NUP214: variants seen among roughly 807,000 people sequenced by gnomAD.
NUP214 encodes the protein nuclear pore complex protein Nup214.
A neutral mutation model predicts 196.2 loss-of-function variants in NUP214; 79 were observed. The ratio of observed to expected loss-of-function variants is 0.40; its 90% CI spans 0.34 to 0.49. The LOEUF is 0.49. Among genes scored for constraint, NUP214 ranks in the 20% least tolerant of loss-of-function variants. The pLI is 0.58. For missense variants in NUP214, 2,468 were observed against 2,539.0 expected (o/e 0.97, Z 0.60); for synonymous variants, 1,020 against 990.5 (o/e 1.03, Z -0.56).
intron 21 of NUP214, among the ~76,000 whole-genome samples, chr9:131,168,942 A>G (rs941333732): frequency 1.3e-5 from 2 of 151,856 alleles, no homozygotes; most frequent in Non-Finnish European, 1.5e-5. Flanking sequence ...CACTGCCTTA[A>G]TTAGTGCTCA....
intron 27 of NUP214, 27 bp from the exon 28 acceptor site, chr9:131,195,206 T>C: frequency 6.3e-7 from 1 of 1,574,818 alleles, no homozygotes; most frequent in Non-Finnish European, 8.7e-7. Flanking sequence ...TTTGTTCCTT[T>C]TTAATTTCTC....
At chr9:131,126,767 C>T (rs1465736579) in intron 1 of NUP214, among the ~76,000 whole-genome samples, 1 of 151,984 alleles carries the variant, frequency 6.6e-6, no homozygotes, top group Non-Finnish European at 1.5e-5. Context: ...CCAGGCTGGT[C>T]TCGAACTCCT....
At position 131,175,861 on chromosome 9, in the gene NUP214, G is replaced by T. The variant is rs1833099562; in HGVS notation, c.3319+240G>T. Reference sequence around the variant, plus strand: ...CCACATTTAGTTAAGGTGGAAATCAGTGGGGTTTGTTTTTTTTTTTAAACA... The same window carrying T: ...CCACATTTAGTTAAGGTGGAAATCATTGGGGTTTGTTTTTTTTTTTAAACA... On this transcript the variant is annotated intron_variant, in intron 23 of 35. Transcript: ENST00000359428. 1.4e-5 allele frequency: 7 copies of T among 482,800 alleles called. No individual in the cohort carries two copies. In the Admixed American group the frequency reaches 2.5e-4, roughly 17 times the overall value. The allele number at this position is 482,800 out of a possible 1,614,324, so 29.9% of individuals were successfully genotyped here. A position where few individuals can be genotyped will look rare whatever the true frequency, so the allele number is the denominator to read the frequency against.
At chr9:131,129,519 T>G (rs1325672387) in intron 4 of NUP214, 42 bp downstream of exon 4, 1 of 1,570,612 alleles carries the variant, frequency 6.4e-7, no homozygotes, top group Non-Finnish European at 8.8e-7. Flanking sequence ...ACAATCATGG[T>G]CATCTACTTA....
intron 28 of NUP214, among the ~76,000 whole-genome samples, chr9:131,196,028 C>T (rs12341203): frequency 5.8e-5 from 1 of 17,322 alleles, no homozygotes; most frequent in African/African-American, 1.3e-4. Context: ...CTGTGTGTCC[C>T]CCCCCCCCCC....
At chr9:131,150,126 C>T (rs950142511) in intron 14 of NUP214, 198 bp from the exon 15 acceptor site, 28 of 513,822 alleles carry the variant, frequency 5.4e-5, no homozygotes, top group Non-Finnish European at 8.1e-5. Flanking sequence ...GTTGGGCCCT[C>T]ATCTACTTGT....
chr9:131,230,539 T>G, intron 33 of NUP214, 91 bp from the exon 34 acceptor site: 9 of 1,453,084 alleles, frequency 6.2e-6, no homozygotes, highest in Non-Finnish European at 7.7e-6. Flanking sequence ...GTGTCGTGTG[T>G]ATTGGGACTT....
At chr9:131,233,365 T>C in intron 35 of NUP214, 89 bp from the exon 36 acceptor site, 2 of 1,358,274 alleles carry the variant, frequency 1.5e-6, no homozygotes, top group Non-Finnish European at 2.0e-6. Context: ...ATCTGAGTCC[T>C]GACCTTTGCA....
chr9:131,170,020 T>TA (rs1283464586), intron 21 of NUP214, among the ~76,000 whole-genome samples: 1 of 152,062 alleles, frequency 6.6e-6, no homozygotes, highest in East Asian at 1.9e-4. Flanking sequence ...AATGGGGAGT[T>TA]AGTGTTTCAT....
At chr9:131,203,115 T>C (rs1300800672) in intron 30 of NUP214, among the ~76,000 whole-genome samples, 3 of 151,910 alleles carry the variant, frequency 2.0e-5, no homozygotes, top group African/African-American at 7.3e-5. Context: ...CCAGCTAATT[T>C]TTTGTATTTT....
intron 27 of NUP214, 62 bp downstream of exon 27, chr9:131,192,354 A>C (rs1833631254): frequency 7.3e-6 from 7 of 954,904 alleles, no homozygotes; most frequent in Non-Finnish European, 1.1e-5. Flanking sequence ...AAATCTTACA[A>C]TTATAGATAT....
chr9:131,215,177 A>T, intron 30 of NUP214, 35 bp from the exon 31 acceptor site: 1 of 1,471,024 alleles, frequency 6.8e-7, no homozygotes, highest in East Asian at 2.6e-5. Flanking sequence ...ATGACCTCTC[A>T]TCCTATCTTG....
chr9:131,231,420 T>A (rs964903814), intron 34 of NUP214, among the ~76,000 whole-genome samples: 2 of 152,164 alleles, frequency 1.3e-5, no homozygotes, highest in African/African-American at 4.8e-5. Context: ...CTCCATCTCC[T>A]GACCTCATGA....
chr9:131,175,128 A>G (rs927286336), intron 22 of NUP214, among the ~76,000 whole-genome samples: 1 of 152,202 alleles, frequency 6.6e-6, no homozygotes, highest in Non-Finnish European at 1.5e-5. Context: ...CTTTGCATCA[A>G]AGTGACTTCC....
At chr9:131,197,119 A>C (rs1833809954) in intron 28 of NUP214, 97 bp from the exon 29 acceptor site, 1 of 1,520,436 alleles carries the variant, frequency 6.6e-7, no homozygotes, top group Non-Finnish European at 8.9e-7. Context: ...CTGTAGAGGG[A>C]GGAGAGAAAC....
At chr9:131,227,927 G>A (rs1411479685) in intron 32 of NUP214, among the ~76,000 whole-genome samples, 1 of 122,594 alleles carries the variant, frequency 8.2e-6, no homozygotes, top group African/African-American at 3.2e-5. Context: ...GGAGGGGAGT[G>A]GTTTGGTTTG....
At chr9:131,222,145 G>A (rs1353102077) in intron 31 of NUP214, among the ~76,000 whole-genome samples, 1 of 152,190 alleles carries the variant, frequency 6.6e-6, no homozygotes, top group Non-Finnish European at 1.5e-5. Context: ...AGTCTTGCTA[G>A]CCTCTTTAAC....
At chr9:131,126,174 C>T in intron 1 of NUP214, 1 of 215,218 alleles carries the variant, frequency 4.6e-6, no homozygotes, top group South Asian at 5.5e-5. Flanking sequence ...AAGACCTTTG[C>T]TCTCCCAGTA....
chr9:131,137,653 C>T (rs187110237), intron 9 of NUP214, among the ~76,000 whole-genome samples: 2 of 150,826 alleles, frequency 1.3e-5, no homozygotes, highest in Admixed American at 6.6e-5. Flanking sequence ...CTGGTTCAAG[C>T]GATTCTCATG....
Sources: gnomAD v4.1 joint callset for allele counts (sites outside exome capture counted in the v4.1 genomes callset) on GRCh38, gnomAD v4.1.1 for gene constraint, MANE v1.5 for transcripts, NCBI Gene and HGNC (gene_info 2026-07-23, HGNC 2026-07-21) for gene names.